CCDC63: variants seen among roughly 807,000 people sequenced by gnomAD.
The protein encoded by CCDC63 is coiled-coil domain containing 63.
In CCDC63, 54 loss-of-function variants were observed where a neutral mutation model predicts 63.6. The observed-to-expected ratio is 0.85, with a 90% CI of 0.68 to 1.07. The LOEUF is 1.07. Ranked by LOEUF, CCDC63 falls within the 50% of genes least tolerant of loss-of-function variation. The pLI, the probability that CCDC63 is intolerant of heterozygous loss-of-function variation, is 0.00. For synonymous variants in CCDC63, 253 were observed against 266.1 expected (o/e 0.95, Z 0.48); for missense variants, 637 against 689.6 (o/e 0.92, Z 0.86).
Position 110,881,396 on chromosome 12 carries a change from G to A in CCDC63, c.853+100G>A, listed in dbSNP as rs867325706. 2.0e-5 allele frequency: 25 copies of A among 1,243,432 alleles called. No individual in the cohort carries two copies. The African/African-American group carries it at 2.9e-4, about 15-fold the overall frequency. The allele number at this position is 1,243,432 out of a possible 1,614,324, so 77.0% of individuals were successfully genotyped here. A position where few individuals can be genotyped will look rare whatever the true frequency, so the allele number is the denominator to read the frequency against. On this transcript the variant is annotated intron_variant, in intron 7 of 11. Coordinates refer to ENST00000308208, the MANE Select transcript of CCDC63 (RefSeq NM_152591.3). Reference sequence around the variant, plus strand: ...GTGAAGGTGCCCAAGTCTCCTTGTGGTTGTCAAATTTAGCAAATAAAGATA... The same window carrying A: ...GTGAAGGTGCCCAAGTCTCCTTGTGATTGTCAAATTTAGCAAATAAAGATA...
chr12:110,872,748 C>T (rs2071082874), intron 4 of CCDC63, among the ~76,000 whole-genome samples: 2 of 152,152 alleles, frequency 1.3e-5, no homozygotes, highest in Admixed American at 6.6e-5. Flanking sequence ...GCCTCAGCCT[C>T]TCAAGTAGCT....
chr12:110,906,010 A>AAATATATATTATATTT (rs1333115211), intron 11 of CCDC63, among the ~76,000 whole-genome samples: 1 of 5,992 alleles, frequency 1.7e-4, no homozygotes, highest in African/African-American at 5.0e-4. Flanking sequence ...ATATTATATA[A>AAATATATATTATATTT]TATAATATAT....
Position 110,853,042 on chromosome 12 carries a change from G to A in CCDC63, c.9+79G>A, listed in dbSNP as rs528522567. On this transcript the variant is annotated intron_variant, in intron 2 of 11. Transcript: ENST00000308208. ...TGCCATCCACTTTACACGTTAGCTCGTCTCATCCTGACAAACAGATCTGTG... is the reference window on the plus strand; with the variant it reads ...TGCCATCCACTTTACACGTTAGCTCATCTCATCCTGACAAACAGATCTGTG... 111 of 1,464,966 alleles carry A rather than the reference G, an allele frequency of 7.6e-5. No individual in the cohort carries two copies. In the African/African-American group the frequency reaches 7.6e-4, roughly 10 times the overall value. 90.7% of individuals were successfully genotyped at this position (1,464,966 alleles called of 1,614,324 possible).
chr12:110,855,699 A>T (rs2070761651), intron 3 of CCDC63, among the ~76,000 whole-genome samples: 1 of 152,138 alleles, frequency 6.6e-6, no homozygotes, highest in Non-Finnish European at 1.5e-5. Context: ...CTCCTGCCTC[A>T]GTCTCCCGAG....
chr12:110,878,050 CA>C (rs967607891), intron 5 of CCDC63, among the ~76,000 whole-genome samples: 1 of 152,012 alleles, frequency 6.6e-6, no homozygotes, highest in African/African-American at 2.4e-5. Flanking sequence ...TGAGATCATG[CA>C]ATATTTTTCA....
chr12:110,861,356 C>G (rs972980733), intron 4 of CCDC63, among the ~76,000 whole-genome samples: 1 of 152,192 alleles, frequency 6.6e-6, no homozygotes, highest in African/African-American at 2.4e-5. Flanking sequence ...GCCCAACTCC[C>G]CAGTGGGGCT....
intron 4 of CCDC63, among the ~76,000 whole-genome samples, chr12:110,860,532 TATTA>T (rs1418046402): frequency 3.3e-5 from 5 of 152,230 alleles, no homozygotes; most frequent in South Asian, 2.1e-4. Flanking sequence ...TCTATTATAG[TATTA>T]ATTAATTGCT....
chr12:110,858,110 TATAAAATAAAATAAA>T (rs67701132), intron 3 of CCDC63, among the ~76,000 whole-genome samples: 3,055 of 137,830 alleles, frequency 0.022, 57 homozygotes, highest in South Asian at 0.038. Flanking sequence ...TGTCTCAAAA[TATAAAATAAAATAAA>T]ATAAAATAAA....
At chr12:110,850,318 T>C (rs2283349) in intron 1 of CCDC63, among the ~76,000 whole-genome samples, 111,857 of 152,184 alleles carry the variant, frequency 0.74, 41,361 homozygotes, top group African/African-American at 0.8. Flanking sequence ...TGCCTGGATC[T>C]GAGAGGAGCA....
intron 8 of CCDC63, among the ~76,000 whole-genome samples, chr12:110,892,507 T>C (rs997291159): frequency 2.0e-5 from 3 of 152,168 alleles, no homozygotes; most frequent in Non-Finnish European, 4.4e-5. Context: ...GACTACAGTA[T>C]TAGGGTGGAT....
At chr12:110,858,832 G>A in intron 4 of CCDC63, 57 bp downstream of exon 4, 1 of 1,509,680 alleles carries the variant, frequency 6.6e-7, no homozygotes, top group Admixed American at 1.8e-5. Flanking sequence ...GAGGAGTTGG[G>A]GTGCATATTC....
At chr12:110,857,284 C>CA (rs1053410847) in intron 3 of CCDC63, among the ~76,000 whole-genome samples, 2 of 151,824 alleles carry the variant, frequency 1.3e-5, no homozygotes, top group East Asian at 3.9e-4. Context: ...CACCACCCCC[C>CA]CCGGCTAATT....
At chr12:110,861,941 G>A (rs142380631) in intron 4 of CCDC63, among the ~76,000 whole-genome samples, 7 of 152,086 alleles carry the variant, frequency 4.6e-5, no homozygotes, top group South Asian at 2.1e-4. Context: ...GTGCGTGCCC[G>A]AAATACCTTG....
At chr12:110,866,992 G>A (rs2070961814) in intron 4 of CCDC63, among the ~76,000 whole-genome samples, 3 of 138,164 alleles carry the variant, frequency 2.2e-5, no homozygotes, top group Non-Finnish European at 4.8e-5. Context: ...TGGCCGGGCG[G>A]GGGGCTGACC....
intron 9 of CCDC63, among the ~76,000 whole-genome samples, chr12:110,898,617 CAAA>C (rs34918640): frequency 1.3e-5 from 1 of 79,930 alleles, no homozygotes; most frequent in African/African-American, 3.8e-5. Flanking sequence ...GACTCTGTCT[CAAA>C]AAAAAAAAAA....
intron 4 of CCDC63, among the ~76,000 whole-genome samples, chr12:110,873,190 C>T (rs970230965): frequency 6.6e-6 from 1 of 152,078 alleles, no homozygotes; most frequent in African/African-American, 2.4e-5. Context: ...GAGCCAAGAT[C>T]GCGCCACAGC....
chr12:110,893,251 T>C (rs2071380336), intron 9 of CCDC63, 101 bp downstream of exon 9: 2 of 933,632 alleles, frequency 2.1e-6, no homozygotes, highest in South Asian at 3.0e-5. Context: ...ATCTGTCAGC[T>C]GCTTCTCAGG....
In CCDC63 at chr12:110,858,849, C is replaced by A. The variant is rs188184171; in HGVS notation, c.369+74C>A. ...GGAGTTGGGGTGCATATTCGTGATG[C>A]CTTAGGCCAGACCTGACACCCCTGT... On this transcript the variant is annotated intron_variant, in intron 4 of 11. Coordinates refer to ENST00000308208, the MANE Select transcript of CCDC63 (RefSeq NM_152591.3). 6.7e-4 allele frequency: 889 copies of A among 1,334,036 alleles called. 2 individuals carry two copies. The highest frequency in any genetic ancestry group is 8.3e-4 in the Non-Finnish European group (790 of 947,644). The allele number at this position is 1,334,036 out of a possible 1,614,324, so 82.6% of individuals were successfully genotyped here.
At chr12:110,882,176 C>T (rs904818916) in intron 7 of CCDC63, among the ~76,000 whole-genome samples, 1 of 152,130 alleles carries the variant, frequency 6.6e-6, no homozygotes, top group African/African-American at 2.4e-5. Flanking sequence ...ACACTGAGCA[C>T]ACATGGTTCT....
Sources: allele counts gnomAD v4.1 joint callset (sites outside exome capture counted in the v4.1 genomes callset), GRCh38; gene constraint gnomAD v4.1.1; transcripts MANE v1.5; gene names NCBI Gene and HGNC (gene_info 2026-07-23, HGNC 2026-07-21).